GPC5: variants seen among roughly 807,000 people sequenced by gnomAD.
The protein encoded by GPC5 is glypican-5.
A neutral mutation model predicts 53.9 loss-of-function variants in GPC5; 47 were observed. The ratio of observed to expected loss-of-function variants is 0.87; its 90% confidence interval spans 0.69 to 1.11. The LOEUF is 1.11. Ranked by LOEUF, GPC5 falls within the 50% of genes most tolerant of loss-of-function variation. The probability of loss-of-function intolerance (pLI) is 0.00; values close to 1 mark genes in which losing one functional copy is unlikely to be tolerated. For synonymous variants in GPC5, 286 were observed against 263.3 expected (o/e 1.09, Z -0.84); for missense variants, 748 against 713.1 (o/e 1.05, Z -0.56).
At chr13:92,389,616 G>T (rs1389351182) in intron 7 of GPC5, among the ~76,000 whole-genome samples, 1 of 152,080 alleles carries the variant, frequency 6.6e-6, no homozygotes. Context: ...TGGTGAGGGG[G>T]TGTTTCTACA....
intron 4 of GPC5, among the ~76,000 whole-genome samples, chr13:91,752,130 C>T (rs558019368): frequency 2.1e-4 from 32 of 152,284 alleles, no homozygotes; most frequent in Admixed American, 5.9e-4. Flanking sequence ...GGTATCTCTT[C>T]GTCTTCTTAT....
chr13:92,807,927 T>C (rs572687683), intron 7 of GPC5, among the ~76,000 whole-genome samples: 18 of 152,218 alleles, frequency 1.2e-4, no homozygotes, highest in African/African-American at 4.3e-4. Context: ...TGATTTAAAA[T>C]GTGAAAGCAC....
intron 5 of GPC5, among the ~76,000 whole-genome samples, chr13:91,772,833 C>A (rs1004820384): frequency 6.6e-6 from 1 of 152,066 alleles, no homozygotes; most frequent in East Asian, 1.9e-4. Context: ...GTCCCAGATT[C>A]TATGTTTTAA....
chr13:92,312,581 A>T (rs2043152320), intron 7 of GPC5, among the ~76,000 whole-genome samples: 1 of 152,180 alleles, frequency 6.6e-6, no homozygotes, highest in Non-Finnish European at 1.5e-5. Flanking sequence ...TTTACACTGG[A>T]TATTGATTAA....
chr13:91,417,213 T>G (rs992265606), intron 1 of GPC5, among the ~76,000 whole-genome samples: 11 of 152,158 alleles, frequency 7.2e-5, no homozygotes, highest in Admixed American at 5.9e-4. Context: ...CATGTCAATA[T>G]TGAGGCTACT....
chr13:92,795,205 G>C (rs1005137442), intron 7 of GPC5, among the ~76,000 whole-genome samples: 1 of 152,048 alleles, frequency 6.6e-6, no homozygotes, highest in Non-Finnish European at 1.5e-5. Flanking sequence ...CAATGGAACA[G>C]GACAGAGGCC....
chr13:91,668,392 A>G (rs541697999), intron 2 of GPC5, among the ~76,000 whole-genome samples: 3 of 152,208 alleles, frequency 2.0e-5, no homozygotes, highest in Non-Finnish European at 4.4e-5. Flanking sequence ...AGGCCCTTTT[A>G]TCTCTCTTAG....
At chr13:92,571,859 C>T (rs1321169924) in intron 7 of GPC5, among the ~76,000 whole-genome samples, 2 of 151,956 alleles carry the variant, frequency 1.3e-5, no homozygotes, top group Non-Finnish European at 2.9e-5. Flanking sequence ...GGCAACATGG[C>T]GAGGTCCCAT....
At chr13:92,133,659 T>C (rs551433400) in intron 6 of GPC5, among the ~76,000 whole-genome samples, 2 of 152,274 alleles carry the variant, frequency 1.3e-5, no homozygotes, top group African/African-American at 4.8e-5. Flanking sequence ...TTCTTTTCTA[T>C]CTTTCAATGA....
intron 5 of GPC5, among the ~76,000 whole-genome samples, chr13:91,807,903 T>C (rs1389834556): frequency 3.9e-5 from 6 of 152,190 alleles, no homozygotes. Context: ...TTTTTGTTTG[T>C]TTTTAACCAC....
At chr13:92,383,673 A>T (rs965676960) in intron 7 of GPC5, among the ~76,000 whole-genome samples, 2 of 152,210 alleles carry the variant, frequency 1.3e-5, no homozygotes, top group African/African-American at 4.8e-5. Flanking sequence ...AGCTGTCATG[A>T]ATATCTCTTT....
intron 7 of GPC5, among the ~76,000 whole-genome samples, chr13:92,750,793 T>C (rs1166632394): frequency 6.6e-6 from 1 of 152,224 alleles, no homozygotes; most frequent in African/African-American, 2.4e-5. Flanking sequence ...GAGAGTCATG[T>C]AATTGTATCT....
At chr13:92,416,866 T>C (rs563793962) in intron 7 of GPC5, among the ~76,000 whole-genome samples, 7 of 152,102 alleles carry the variant, frequency 4.6e-5, no homozygotes, top group Middle Eastern at 3.4e-3. Context: ...ATTATACAAA[T>C]CAATAATAGA....
intron 2 of GPC5, among the ~76,000 whole-genome samples, chr13:91,675,725 A>G (rs2035366612): frequency 6.6e-6 from 1 of 152,180 alleles, no homozygotes; most frequent in Admixed American, 6.5e-5. Flanking sequence ...AAAAAGATAG[A>G]AAAAATGGAC....
intron 7 of GPC5, among the ~76,000 whole-genome samples, chr13:92,335,314 GT>G (rs1185276914): frequency 6.6e-6 from 1 of 152,132 alleles, no homozygotes; most frequent in African/African-American, 2.4e-5. Context: ...CAAGCAGTAT[GT>G]TGGTTCTTTT....
intron 6 of GPC5, among the ~76,000 whole-genome samples, chr13:92,031,186 T>G (rs2040838727): frequency 1.3e-5 from 2 of 152,144 alleles, no homozygotes; most frequent in African/African-American, 4.8e-5. Flanking sequence ...GCGCGATGTA[T>G]TTCCTCAGGC....
intron 2 of GPC5, among the ~76,000 whole-genome samples, chr13:91,471,071 T>C (rs1882590590): frequency 6.6e-6 from 1 of 152,146 alleles, no homozygotes; most frequent in South Asian, 2.1e-4. Flanking sequence ...ATTGTGATAT[T>C]TAATAGACTA....
At chr13:91,914,674 G>GTATCTTATT (rs771735864) in intron 6 of GPC5, among the ~76,000 whole-genome samples, 85,894 of 148,270 alleles carry the variant, frequency 0.58, 25,258 homozygotes, top group East Asian at 0.71. Context: ...TTAGGATACC[G>GTATCTTATT]ATATAATAAA....
chr13:92,503,058 C>T (rs1880247496), intron 7 of GPC5, among the ~76,000 whole-genome samples: 1 of 151,886 alleles, frequency 6.6e-6, no homozygotes, highest in Non-Finnish European at 1.5e-5. Flanking sequence ...GAAAATTTAA[C>T]ACATTTTCTT....
Sources: gnomAD v4.1 joint callset for allele counts (sites outside exome capture counted in the v4.1 genomes callset) on GRCh38, gnomAD v4.1.1 for gene constraint, MANE v1.5 for transcripts, NCBI Gene and HGNC (gene_info 2026-07-23, HGNC 2026-07-21) for gene names.